Variants in DAB1 observed in about 807,000 individuals in gnomAD.
DAB1 encodes the protein disabled homolog 1.
DAB1 carries 15 observed loss-of-function variants against 64.6 expected under a neutral mutation model. The ratio of observed to expected loss-of-function variants is 0.23; its 90% CI spans 0.16 to 0.36. DAB1 has a LOEUF of 0.36. Among genes scored for constraint, DAB1 ranks in the 10% least tolerant of loss-of-function variants. The pLI is 1.00. For missense variants in DAB1, 596 were observed against 706.7 expected (o/e 0.84, Z 1.78); for synonymous variants, 235 against 251.9 (o/e 0.93, Z 0.64).
chr1:58,497,334 C>T (rs979148080), intron 3 of DAB1, among the ~76,000 whole-genome samples: 4 of 152,254 alleles, frequency 2.6e-5, no homozygotes, highest in African/African-American at 9.6e-5. Flanking sequence ...AACAGGCCAA[C>T]TGTAACACTG....
intron 2 of DAB1, among the ~76,000 whole-genome samples, chr1:57,278,722 A>AG (rs1488486789): frequency 6.6e-6 from 1 of 152,150 alleles, no homozygotes; most frequent in Non-Finnish European, 1.5e-5. Context: ...GCATGCTCAA[A>AG]GGGGGGCAAG....
rs865864127 is a variant in DAB1, at chr1:58,247,258, T to C, written n.309+96094A>G. ...GGGTGTTTACTATTCATTTTTCATT[T>C]CCCCCCCCGCCAGGTTAAATAAATA... On this transcript the variant is annotated intron_variant and non_coding_transcript_variant, in intron 4 of 20. Coordinates refer to the DAB1 transcript ENST00000485760. Among the ~76,000 whole-genome samples, 434 of 112,104 alleles carry C rather than the reference T, an allele frequency of 3.9e-3. 4 individuals carry two copies. Among genetic ancestry groups the C allele is most frequent in the Middle Eastern group, 0.011 (2 of 186 alleles). 73.5% of individuals were successfully genotyped at this position (112,104 alleles called of 152,430 possible).
At chr1:58,285,176 T>A (rs543261757) in intron 4 of DAB1, among the ~76,000 whole-genome samples, 48 of 152,328 alleles carry the variant, frequency 3.2e-4, no homozygotes, top group African/African-American at 1.1e-3. Flanking sequence ...GAGCCATTTA[T>A]GACAAACCCA....
chr1:58,267,284 C>T (rs642295), intron 4 of DAB1, among the ~76,000 whole-genome samples: 2 of 151,990 alleles, frequency 1.3e-5, no homozygotes, highest in African/African-American at 4.8e-5. Context: ...GCTCTGACAA[C>T]TAAAATCTTG....
At chr1:57,995,702 A>G (rs1302850180) in intron 5 of DAB1, among the ~76,000 whole-genome samples, 1 of 152,076 alleles carries the variant, frequency 6.6e-6, no homozygotes, top group Non-Finnish European at 1.5e-5. Context: ...CAAGATCAAG[A>G]CCCTCTAGGG....
chr1:57,199,732 C>T (rs1440973304), intron 2 of DAB1, among the ~76,000 whole-genome samples: 2 of 152,182 alleles, frequency 1.3e-5, no homozygotes, highest in Non-Finnish European at 2.9e-5. Flanking sequence ...CCAACTGCAA[C>T]CCCATGACCA....
chr1:58,074,838 C>A (rs1333397774), intron 5 of DAB1, among the ~76,000 whole-genome samples: 2 of 151,998 alleles, frequency 1.3e-5, no homozygotes, highest in Non-Finnish European at 2.9e-5. Context: ...AGGCAGGGAA[C>A]ATTTCCTGAA....
intron 7 of DAB1, among the ~76,000 whole-genome samples, chr1:57,604,749 T>G (rs1163908067): frequency 6.6e-6 from 1 of 152,176 alleles, no homozygotes; most frequent in Non-Finnish European, 1.5e-5. Context: ...ATGGAGGAAA[T>G]GGGACTCCAT....
intron 4 of DAB1, among the ~76,000 whole-genome samples, chr1:58,277,891 T>C (rs1004867579): frequency 2.0e-5 from 3 of 152,206 alleles, no homozygotes; most frequent in Non-Finnish European, 4.4e-5. Flanking sequence ...ACTTGTGTGG[T>C]TGCTGGAGAA....
intron 1 of DAB1, among the ~76,000 whole-genome samples, chr1:57,315,973 C>A (rs1197316125): frequency 6.6e-6 from 1 of 152,134 alleles, no homozygotes; most frequent in Non-Finnish European, 1.5e-5. Flanking sequence ...TCTGGGGTAA[C>A]TTTATTCACT....
At chr1:58,265,832 A>T (rs534289223) in intron 4 of DAB1, among the ~76,000 whole-genome samples, 2 of 152,066 alleles carry the variant, frequency 1.3e-5, no homozygotes, top group South Asian at 4.2e-4. Flanking sequence ...GAAGGATAAT[A>T]AAAAAAATTA....
rs3991037 is a variant in DAB1 at position 57,998,389 on chromosome 1, CTTT to C, written n.388-114230_388-114228del. 4.6e-3 allele frequency among the ~76,000 whole-genome samples: 597 copies of C among 128,748 alleles called. 3 individuals carry two copies. The highest frequency in any genetic ancestry group is 0.012 in the African/African-American group (405 of 33,934). The allele number at this position is 128,748 out of a possible 152,430, so 84.5% of individuals were successfully genotyped here. A position where few individuals can be genotyped will look rare whatever the true frequency, so the allele number is the denominator to read the frequency against. ...CTGAGTCCTCATCTTTTTTTTCTCT[CTTT>C]TTTTTTTTTTTTTTTTGAGACAGAT... On this transcript the variant is annotated intron_variant and non_coding_transcript_variant, in intron 5 of 20. Coordinates refer to the DAB1 transcript ENST00000485760.
rs113633241 is a variant in DAB1, at chr1:57,728,556, C to G, written n.552-78891G>C. 4.8e-3 allele frequency among the ~76,000 whole-genome samples: 725 copies of G among 151,502 alleles called. 6 individuals carry two copies. The highest frequency in any genetic ancestry group is 0.017 in the African/African-American group (690 of 41,324). On this transcript the variant is annotated intron_variant and non_coding_transcript_variant, in intron 6 of 20. Coordinates refer to the DAB1 transcript ENST00000485760. ...TTGCAGTGAGCCGAGATCACGTCAC[C>G]GTACTCCAGCCTGGGCCACAGAGCA...
chr1:58,532,606 T>C (rs1646451576), intron 1 of DAB1, among the ~76,000 whole-genome samples: 1 of 152,164 alleles, frequency 6.6e-6, no homozygotes, highest in Non-Finnish European at 1.5e-5. Flanking sequence ...TGGCTCACTG[T>C]AGCCTTGATC....
chr1:57,337,046 C>A (rs1431451628), intron 1 of DAB1, among the ~76,000 whole-genome samples: 1 of 152,146 alleles, frequency 6.6e-6, no homozygotes, highest in Non-Finnish European at 1.5e-5. Flanking sequence ...TGTTCAGTGT[C>A]CTGGGTCTCA....
chr1:58,058,482 CA>C (rs1299145047), intron 5 of DAB1, among the ~76,000 whole-genome samples: 1 of 152,162 alleles, frequency 6.6e-6, no homozygotes, highest in Non-Finnish European at 1.5e-5. Flanking sequence ...TTGCATGGTG[CA>C]ATAACTCTCT....
chr1:57,220,210 A>C (rs1170549759), intron 2 of DAB1, among the ~76,000 whole-genome samples: 3 of 152,182 alleles, frequency 2.0e-5, no homozygotes, highest in African/African-American at 7.2e-5. Flanking sequence ...TGAGGGGTTC[A>C]TTTGGCTGGT....
rs114596026 is a variant in DAB1 at position 57,021,612 on chromosome 1, G to A, written c.895+1919C>T. Among the ~76,000 whole-genome samples, 651 of 152,274 alleles carry A rather than the reference G, an allele frequency of 4.3e-3. 5 individuals carry two copies. The highest frequency in any genetic ancestry group is 0.015 in the African/African-American group (606 of 41,552). ...GATTGTGAGGCCTACCCAGCCATGT[G>A]GAACAGTGAGTCCATTAAAACTCCT... On this transcript the variant is annotated intron_variant, in intron 11 of 14. Transcript: ENST00000371236.
chr1:57,848,961 T>C (rs1036339641), intron 1 of DAB1, among the ~76,000 whole-genome samples: 2 of 152,198 alleles, frequency 1.3e-5, no homozygotes, highest in African/African-American at 4.8e-5. Context: ...AGATTGAAGG[T>C]CATGTCTTAC....
Sources: allele counts gnomAD v4.1 joint callset (sites outside exome capture counted in the v4.1 genomes callset), GRCh38; gene constraint gnomAD v4.1.1; transcripts MANE v1.5; gene names NCBI Gene and HGNC (gene_info 2026-07-23, HGNC 2026-07-21).